The following C4orf17 variants were observed in gnomAD, a reference collection of about 807,000 sequenced individuals.
C4orf17 encodes the protein uncharacterized protein C4orf17.
C4orf17 carries 25 observed loss-of-function variants against 32.0 expected under a neutral mutation model. That is an observed-to-expected ratio of 0.78 (90% CI 0.57 to 1.09). The LOEUF (loss-of-function observed/expected upper bound fraction) is 1.09, where lower values mean the gene tolerates loss of function less well. C4orf17 is among the 50% of genes least tolerant of loss of function. The probability of loss-of-function intolerance (pLI) is 0.00; values close to 1 mark genes in which losing one functional copy is unlikely to be tolerated. For synonymous variants in C4orf17, 149 were observed against 145.8 expected, an observed-to-expected ratio of 1.02 and a Z score of -0.16; for missense variants, 420 against 420.0, an observed-to-expected ratio of 1.00 and a Z score of 0.00.
At chr4:99,529,297 C>T (rs1323888429) in intron 4 of C4orf17, among the ~76,000 whole-genome samples, 2 of 152,182 alleles carry the variant, frequency 1.3e-5, no homozygotes, top group African/African-American at 4.8e-5. Flanking sequence ...ATACTTACCT[C>T]CCAGAATGGG....
intron 1 of C4orf17, among the ~76,000 whole-genome samples, 151 bp downstream of exon 1, chr4:99,511,423 C>CT (rs35370166): frequency 0.069 from 9,921 of 144,468 alleles, 744 homozygotes; most frequent in African/African-American, 0.17. Flanking sequence ...TTCTTGTTGA[C>CT]TTTTTTTTTT....
intron 2 of C4orf17, among the ~76,000 whole-genome samples, chr4:99,516,881 C>T (rs1723196533): frequency 6.6e-6 from 1 of 152,184 alleles, no homozygotes; most frequent in Admixed American, 6.5e-5. Context: ...GAAGCGTGGC[C>T]TTTTCATCCA....
At position 99,532,468 on chromosome 4, in the gene C4orf17, A is replaced by G. The variant is rs150520080; in HGVS notation, c.546+2510A>G. The stretch of plus-strand genomic sequence containing the variant: ...AGAAACAGAAAACCAAATACCGCAT[A>G]TTCTCACCAGTAAATGGGACCTAAA... On this transcript the variant is annotated intron_variant, in intron 5 of 8. Coordinates refer to ENST00000326581, the MANE Select transcript of C4orf17 (RefSeq NM_032149.3). 3.1e-3 allele frequency among the ~76,000 whole-genome samples: 477 copies of G among 152,264 alleles called. 1 individual carries two copies. Among genetic ancestry groups the G allele is most frequent in the Non-Finnish European group, 5.2e-3 (355 of 67,992 alleles).
intron 4 of C4orf17, among the ~76,000 whole-genome samples, chr4:99,525,297 T>C (rs1480412327): frequency 2.0e-5 from 3 of 152,198 alleles, no homozygotes; most frequent in Non-Finnish European, 2.9e-5. Context: ...CAGCAGTGTA[T>C]GAGTTTTTTT....
intron 2 of C4orf17, among the ~76,000 whole-genome samples, chr4:99,517,479 A>G (rs1364142008): frequency 6.6e-6 from 1 of 152,036 alleles, no homozygotes; most frequent in Non-Finnish European, 1.5e-5. Context: ...TATCCACTAC[A>G]CTGCAATCCT....
At chr4:99,533,928 G>A (rs1723517927) in intron 5 of C4orf17, among the ~76,000 whole-genome samples, 1 of 152,140 alleles carries the variant, frequency 6.6e-6, no homozygotes, top group Non-Finnish European at 1.5e-5. Context: ...AAGACATCAA[G>A]TTCACTTGCC....
chr4:99,532,589 C>A (rs4368610), intron 5 of C4orf17, among the ~76,000 whole-genome samples: 90,577 of 152,018 alleles, frequency 0.6, 30,381 homozygotes, highest in African/African-American at 0.9. Context: ...AGAAACTATC[C>A]GGAACTCTGT....
chr4:99,512,352 C>T (rs13434504), intron 1 of C4orf17, among the ~76,000 whole-genome samples: 9,453 of 152,186 alleles, frequency 0.062, 527 homozygotes, highest in African/African-American at 0.15. Flanking sequence ...GTTGTGAATT[C>T]ACCAAGATAC....
Position 99,511,050 on chromosome 4 carries a change from A to G in C4orf17, c.-316A>G, listed in dbSNP as rs1379290251. 1 of 152,184 alleles carries G rather than the reference A, an allele frequency of 6.6e-6. No individual in the cohort carries two copies. Among genetic ancestry groups the G allele is most frequent in the Non-Finnish European group, 1.5e-5 (1 of 68,036 alleles). 9.4% of individuals were successfully genotyped at this position (152,184 alleles called of 1,614,324 possible). A position where few individuals can be genotyped will look rare whatever the true frequency, so the allele number is the denominator to read the frequency against. On this transcript the variant is annotated 5_prime_UTR_variant, in exon 1 of 9. Transcript: ENST00000326581. Reference sequence around the variant, plus strand: ...TATCTTAACAACCAGGGAGCCACACAGGCTCCTTGGAGTAAGAGTGTGAGA... The same window carrying G: ...TATCTTAACAACCAGGGAGCCACACGGGCTCCTTGGAGTAAGAGTGTGAGA...
Position 99,526,298 on chromosome 4 carries a change from T to C in C4orf17, c.402+1713T>C, listed in dbSNP as rs79560892. The stretch of plus-strand genomic sequence containing the variant: ...AGTCTGTTAATATAGTGAATTACAT[T>C]GACTAAGTTTCAAATTGGAACCAAC... On this transcript the variant is annotated intron_variant, in intron 4 of 8. Transcript: ENST00000326581. Among the ~76,000 whole-genome samples the C allele has an allele frequency of 5.4e-3, 826 of 152,322 alleles. 9 individuals carry two copies. The highest frequency in any genetic ancestry group is 0.018 in the African/African-American group (769 of 41,576).
chr4:99,516,602 A>G (rs1277977119), intron 2 of C4orf17, among the ~76,000 whole-genome samples: 1 of 152,192 alleles, frequency 6.6e-6, no homozygotes, highest in East Asian at 1.9e-4. Context: ...TAATATCTAC[A>G]ACGGGGTTAA....
intron 3 of C4orf17, among the ~76,000 whole-genome samples, chr4:99,523,976 C>CTTT (rs34303512): frequency 5.3e-5 from 6 of 114,088 alleles, no homozygotes; most frequent in Admixed American, 9.4e-5. Flanking sequence ...AAAATATATA[C>CTTT]TTTTTTTTTT....
intron 4 of C4orf17, among the ~76,000 whole-genome samples, chr4:99,524,956 G>A (rs1723361531): frequency 6.6e-6 from 1 of 152,034 alleles, no homozygotes; most frequent in African/African-American, 2.4e-5. Flanking sequence ...CTAAAATCTG[G>A]TTTCTTTAAC....
chr4:99,511,335 G>A (rs1221701232), intron 1 of C4orf17, 63 bp downstream of exon 1: 1 of 151,752 alleles, frequency 6.6e-6, no homozygotes, highest in Non-Finnish European at 1.5e-5. Context: ...TTAGTTAATA[G>A]TCCTCAAGTT....
At chr4:99,516,559 T>G (rs956648294) in intron 2 of C4orf17, among the ~76,000 whole-genome samples, 1 of 152,320 alleles carries the variant, frequency 6.6e-6, no homozygotes, top group South Asian at 2.1e-4. Context: ...ATCTGGCTGG[T>G]CCAGCCACTC....
chr4:99,522,762 G>A, intron 3 of C4orf17, 53 bp downstream of exon 3: 1 of 1,402,440 alleles, frequency 7.1e-7, no homozygotes, highest in Non-Finnish European at 1.0e-6. Context: ...TGCAAACAAG[G>A]CTGTGGGGAG....
At position 99,522,630 on chromosome 4, in the gene C4orf17, C is replaced by T; in HGVS notation, c.258C>T (p.Ser86=). ...IPFANCSYPS[S]TAVQESPVRG... ...TTGCCAATTGCAGTTACCCCTCCAGCACTGCAGTCCAGGAGAGCCCTGTAA... is the reference window on the plus strand; with the variant it reads ...TTGCCAATTGCAGTTACCCCTCCAGTACTGCAGTCCAGGAGAGCCCTGTAA... Residue 86 remains serine (S), a synonymous_variant, in exon 3 of 9, where the codon AGC becomes AGT. Coordinates refer to ENST00000326581, the MANE Select transcript of C4orf17 (RefSeq NM_032149.3). The T allele has an allele frequency of 6.2e-7, 1 of 1,614,014 alleles. No homozygotes were observed. Among genetic ancestry groups the T allele is most frequent in the South Asian group, 1.1e-5 (1 of 91,080 alleles).
intron 2 of C4orf17, among the ~76,000 whole-genome samples, chr4:99,515,778 A>G (rs1487406281): frequency 6.6e-6 from 1 of 151,706 alleles, no homozygotes; most frequent in Non-Finnish European, 1.5e-5. Flanking sequence ...AAAAATAAAA[A>G]TTAATTATTA....
At chr4:99,533,183 G>C (rs1287822513) in intron 5 of C4orf17, among the ~76,000 whole-genome samples, 1 of 152,118 alleles carries the variant, frequency 6.6e-6, no homozygotes, top group Non-Finnish European at 1.5e-5. Context: ...AAATGATACT[G>C]AATTACTTTG....
Sources: allele counts gnomAD v4.1 joint callset (sites outside exome capture counted in the v4.1 genomes callset), GRCh38; gene constraint gnomAD v4.1.1; transcripts MANE v1.5; gene names NCBI Gene and HGNC (gene_info 2026-07-23, HGNC 2026-07-21).